Variants in USP15 observed in about 807,000 individuals in gnomAD.
USP15 encodes the protein ubiquitin carboxyl-terminal hydrolase 15.
Under a neutral mutation model 127.1 loss-of-function variants are expected in USP15, and 18 were observed. That is an observed-to-expected ratio of 0.14 (90% CI 0.10 to 0.21). The LOEUF (loss-of-function observed/expected upper bound fraction) is 0.21. USP15 is among the 10% of genes least tolerant of loss of function. The pLI, the probability that USP15 is intolerant of heterozygous loss-of-function variation, is 1.00. For synonymous variants in USP15, 364 were observed against 393.7 expected (o/e 0.92, Z 0.89); for missense variants, 805 against 1,159.9 (o/e 0.69, Z 4.44).
intron 3 of USP15, among the ~76,000 whole-genome samples, chr12:62,310,488 C>T (rs1311020481): frequency 2.0e-5 from 3 of 151,806 alleles, no homozygotes; most frequent in Non-Finnish European, 4.4e-5. Flanking sequence ...TGATATTTGT[C>T]GTTTTGTCCC....
intron 21 of USP15, 40 bp downstream of exon 21, chr12:62,401,315 C>G: frequency 1.3e-6 from 2 of 1,503,804 alleles, no homozygotes; most frequent in South Asian, 1.1e-5. Context: ...ATGGGATTCA[C>G]TGTCTTAAGG....
At chr12:62,373,838 A>G (rs895194159) in intron 8 of USP15, among the ~76,000 whole-genome samples, 1 of 151,996 alleles carries the variant, frequency 6.6e-6, no homozygotes, top group Non-Finnish European at 1.5e-5. Context: ...TAGAAAAAAT[A>G]TAACAAAAAT....
chr12:62,382,166 T>G (rs546935902), intron 9 of USP15, among the ~76,000 whole-genome samples: 130 of 152,188 alleles, frequency 8.5e-4, no homozygotes, highest in Middle Eastern at 3.4e-3. Flanking sequence ...AAATGTACTT[T>G]CAATATAGTT....
At chr12:62,394,316 T>C (rs2067415032) in intron 19 of USP15, among the ~76,000 whole-genome samples, 1 of 152,214 alleles carries the variant, frequency 6.6e-6, no homozygotes, top group Admixed American at 6.5e-5. Context: ...CACCAAAATG[T>C]ACTTGATACA....
intron 2 of USP15, among the ~76,000 whole-genome samples, chr12:62,295,316 A>G (rs1429991869): frequency 6.6e-6 from 1 of 152,230 alleles, no homozygotes; most frequent in Non-Finnish European, 1.5e-5. Context: ...AATTTAGAGT[A>G]GACTTCTGAG....
chr12:62,283,063 A>G (rs1012209896), intron 1 of USP15, among the ~76,000 whole-genome samples: 1 of 152,346 alleles, frequency 6.6e-6, no homozygotes, highest in African/African-American at 2.4e-5. Context: ...GGGAAAAATC[A>G]GTAACTAAGA....
chr12:62,261,064 C>T (rs2063039960), intron 1 of USP15, among the ~76,000 whole-genome samples: 2 of 152,068 alleles, frequency 1.3e-5, no homozygotes, highest in Admixed American at 1.3e-4. Context: ...GTTTCCAGTT[C>T]CTTGTCAAAG....
chr12:62,324,512 T>C (rs952250767), intron 5 of USP15, among the ~76,000 whole-genome samples: 1 of 151,976 alleles, frequency 6.6e-6, no homozygotes, highest in African/African-American at 2.4e-5. Flanking sequence ...AAAATCACTC[T>C]CTAAATTCTA....
At chr12:62,295,692 A>C (rs915202135) in intron 2 of USP15, among the ~76,000 whole-genome samples, 2 of 152,226 alleles carry the variant, frequency 1.3e-5, no homozygotes, top group African/African-American at 4.8e-5. Context: ...TAAACACCTC[A>C]ACTAAAGGTA....
At chr12:62,324,438 T>C (rs1240248527) in intron 5 of USP15, among the ~76,000 whole-genome samples, 1 of 152,056 alleles carries the variant, frequency 6.6e-6, no homozygotes, top group African/African-American at 2.4e-5. Context: ...TTTATACATA[T>C]AGTTAATATG....
At chr12:62,274,115 A>G (rs2063412131) in intron 1 of USP15, 1 of 152,102 alleles carries the variant, frequency 6.6e-6, no homozygotes, top group Non-Finnish European at 1.5e-5. Context: ...TCTGAAAACT[A>G]GAGTGCGGGA....
At chr12:62,389,398 A>T (rs757030733) in intron 11 of USP15, 33 bp from the exon 12 acceptor site, 10 of 1,574,734 alleles carry the variant, frequency 6.4e-6, no homozygotes, top group Non-Finnish European at 8.6e-6. Context: ...TTTCCAAAAT[A>T]ATAAATTCAT....
At chr12:62,388,215 C>A (rs2067218811) in intron 11 of USP15, among the ~76,000 whole-genome samples, 2 of 150,526 alleles carry the variant, frequency 1.3e-5, no homozygotes, top group Non-Finnish European at 2.9e-5. Flanking sequence ...TCACTGCAAC[C>A]TCCGCCTCCT....
At chr12:62,320,825 TA>T (rs1189172691) in intron 4 of USP15, among the ~76,000 whole-genome samples, 1 of 152,154 alleles carries the variant, frequency 6.6e-6, no homozygotes, top group Non-Finnish European at 1.5e-5. Flanking sequence ...TCATATATCA[TA>T]AAATATTTTG....
At chr12:62,317,647 C>T (rs1459385019) in intron 4 of USP15, among the ~76,000 whole-genome samples, 1 of 152,112 alleles carries the variant, frequency 6.6e-6, no homozygotes, top group Non-Finnish European at 1.5e-5. Flanking sequence ...ATTAAAATAG[C>T]TATGTATGTG....
chr12:62,322,013 C>T (rs943073033), intron 5 of USP15, among the ~76,000 whole-genome samples: 1 of 152,118 alleles, frequency 6.6e-6, no homozygotes, highest in African/African-American at 2.4e-5. Flanking sequence ...ATAGATGATA[C>T]ATGAATAAAT....
chr12:62,336,597 T>C, intron 6 of USP15: 1 of 674,380 alleles, frequency 1.5e-6, no homozygotes, highest in South Asian at 6.6e-5. Context: ...TTTAAGGTAT[T>C]TTAAAATAAC....
chr12:62,285,389 C>T (rs1420938432), intron 1 of USP15, among the ~76,000 whole-genome samples: 1 of 152,296 alleles, frequency 6.6e-6, no homozygotes, highest in South Asian at 2.1e-4. Context: ...TAATGGCCTC[C>T]AGTTCCATCC....
intron 6 of USP15, among the ~76,000 whole-genome samples, chr12:62,330,585 CAA>C (rs559515896): frequency 3.2e-4 from 31 of 95,404 alleles, no homozygotes; most frequent in Admixed American, 6.2e-4. Context: ...GACTCCATCT[CAA>C]AAAAAAAAAA....
Sources: allele counts gnomAD v4.1 joint callset (sites outside exome capture counted in the v4.1 genomes callset), GRCh38; gene constraint gnomAD v4.1.1; transcripts MANE v1.5; gene names NCBI Gene and HGNC (gene_info 2026-07-23, HGNC 2026-07-21).